The following DLG2 variants were observed in gnomAD, a reference collection of about 807,000 sequenced individuals.
DLG2 encodes the protein discs large MAGUK scaffold protein 2.
Under a neutral mutation model 132.5 loss-of-function variants are expected in DLG2, and 45 were observed. The ratio of observed to expected loss-of-function variants is 0.34; its 90% confidence interval spans 0.27 to 0.44. The LOEUF (loss-of-function observed/expected upper bound fraction) is 0.44. DLG2 is among the 20% of genes least tolerant of loss of function. The pLI, the probability that DLG2 is intolerant of heterozygous loss-of-function variation, is 1.00. For synonymous variants in DLG2, 424 were observed against 419.6 expected, an observed-to-expected ratio of 1.01 and a Z score of -0.13; for missense variants, 1,045 against 1,196.9, an observed-to-expected ratio of 0.87 and a Z score of 1.87.
At chr11:83,979,545 G>A (rs996015867) in intron 12 of DLG2, among the ~76,000 whole-genome samples, 2 of 152,076 alleles carry the variant, frequency 1.3e-5, no homozygotes, top group African/African-American at 4.8e-5. Context: ...GCTTATAATC[G>A]CCTTAATTTT....
At chr11:85,022,243 CAG>C (rs2060141347) in intron 6 of DLG2, among the ~76,000 whole-genome samples, 1 of 151,498 alleles carries the variant, frequency 6.6e-6, no homozygotes, top group Non-Finnish European at 1.5e-5. Flanking sequence ...AAAAATAAAA[CAG>C]AAAGAATGAA....
chr11:84,566,214 C>T (rs777694980), intron 6 of DLG2, among the ~76,000 whole-genome samples: 52 of 152,138 alleles, frequency 3.4e-4, no homozygotes, highest in Non-Finnish European at 5.9e-4. Context: ...CCACCCTCCT[C>T]GGCATCCCAA....
chr11:84,065,109 A>G (rs1277442844), intron 10 of DLG2, among the ~76,000 whole-genome samples: 1 of 152,202 alleles, frequency 6.6e-6, no homozygotes, highest in Non-Finnish European at 1.5e-5. Flanking sequence ...CTAAACATAT[A>G]AAAACCCTGG....
At chr11:84,948,867 T>C (rs937700287) in intron 6 of DLG2, among the ~76,000 whole-genome samples, 3 of 152,202 alleles carry the variant, frequency 2.0e-5, no homozygotes, top group South Asian at 4.1e-4. Context: ...AGCCATCTTA[T>C]AGGATTGCTG....
chr11:85,050,308 C>T (rs1342060034), intron 6 of DLG2, among the ~76,000 whole-genome samples: 3 of 151,956 alleles, frequency 2.0e-5, no homozygotes, highest in Non-Finnish European at 4.4e-5. Flanking sequence ...CTCGGCTAGA[C>T]CACATAGAAG....
chr11:84,924,336 A>G (rs574570786), intron 6 of DLG2, among the ~76,000 whole-genome samples: 1 of 152,288 alleles, frequency 6.6e-6, no homozygotes, highest in Admixed American at 6.5e-5. Flanking sequence ...TAGTGGGAGG[A>G]AAAAAAGTGG....
intron 6 of DLG2, among the ~76,000 whole-genome samples, chr11:84,715,330 C>T (rs2061092188): frequency 2.0e-5 from 3 of 152,022 alleles, no homozygotes; most frequent in Non-Finnish European, 4.4e-5. Context: ...TACAGCCAAA[C>T]TAATTAACAT....
chr11:84,628,341 G>A (rs2099626250), intron 6 of DLG2, among the ~76,000 whole-genome samples: 1 of 152,060 alleles, frequency 6.6e-6, no homozygotes, highest in African/African-American at 2.4e-5. Flanking sequence ...CCTACTATAT[G>A]TCAAGCACTA....
At chr11:84,454,665 C>T (rs905994305) in intron 7 of DLG2, among the ~76,000 whole-genome samples, 7 of 151,314 alleles carry the variant, frequency 4.6e-5, no homozygotes. Flanking sequence ...TAAAAAGAAC[C>T]ATATTATTTA....
rs146271681 is a variant in DLG2, at chr11:83,917,776, C to T, written c.1496+12552G>A. Among the ~76,000 whole-genome samples, 5 of 152,318 alleles carry T rather than the reference C, an allele frequency of 3.3e-5. No individual in the cohort carries two copies. In the East Asian group the frequency reaches 7.7e-4, roughly 24 times the overall value. On this transcript the variant is annotated intron_variant, in intron 15 of 27. Transcript: ENST00000376104. ...TTGTCATTCCAATGAATGTCTACTA[C>T]GTGCTCATGTGTCACATGATAACAT...
In DLG2 at chr11:85,400,495, C is replaced by T. The variant is rs1461874303; in HGVS notation, c.41-115130G>A. Reference sequence around the variant, plus strand: ...GACACATGCACACGTATGTTTATTGCGGCATTATTCACAATAGCAAAGACT... The same window carrying T: ...GACACATGCACACGTATGTTTATTGTGGCATTATTCACAATAGCAAAGACT... On this transcript the variant is annotated intron_variant, in intron 3 of 27. Transcript: ENST00000376104. Among the ~76,000 whole-genome samples, 94 of 149,240 alleles carry T rather than the reference C, an allele frequency of 6.3e-4. 1 individual carries two copies. The highest frequency in any genetic ancestry group is 1.7e-3 in the African/African-American group (67 of 40,300).
chr11:83,881,593 C>G (rs1377365364), intron 15 of DLG2, among the ~76,000 whole-genome samples: 1 of 152,140 alleles, frequency 6.6e-6, no homozygotes, highest in Non-Finnish European at 1.5e-5. Context: ...AGATCTCCCT[C>G]CAGTGTAATA....
chr11:84,537,888 A>G (rs2099359313), intron 6 of DLG2, among the ~76,000 whole-genome samples: 3 of 152,242 alleles, frequency 2.0e-5, no homozygotes, highest in Admixed American at 2.0e-4. Context: ...TACTGGATGA[A>G]AACTTTTTCA....
At chr11:84,644,862 G>T (rs530607903) in intron 6 of DLG2, among the ~76,000 whole-genome samples, 1 of 152,228 alleles carries the variant, frequency 6.6e-6, no homozygotes, top group East Asian at 1.9e-4. Flanking sequence ...CATAGGATAA[G>T]TCAAAGGCCT....
intron 6 of DLG2, among the ~76,000 whole-genome samples, chr11:84,716,009 C>G (rs988705567): frequency 6.6e-6 from 1 of 152,088 alleles, no homozygotes; most frequent in African/African-American, 2.4e-5. Flanking sequence ...AATTATCACA[C>G]TAATTTACAT....
At chr11:83,593,631 A>C (rs1455034752) in intron 19 of DLG2, among the ~76,000 whole-genome samples, 1 of 151,636 alleles carries the variant, frequency 6.6e-6, no homozygotes, top group Non-Finnish European at 1.5e-5. Context: ...GTACCCTAAA[A>C]CTTAAAGTAT....
chr11:84,228,183 C>T lies in DLG2; in HGVS notation c.573+23055G>A, dbSNP rs72955620. Among the ~76,000 whole-genome samples the T allele has an allele frequency of 5.7e-3, 871 of 152,302 alleles. 4 individuals carry two copies. The highest frequency in any genetic ancestry group is 0.01 in the Non-Finnish European group (712 of 68,028). On this transcript the variant is annotated intron_variant, in intron 8 of 27. Coordinates refer to ENST00000376104, the MANE Select transcript of DLG2 (RefSeq NM_001142699.3). ...TCTTCCGTACTCTATCTCCAGCCTCCACTGAACTTGCTTATTTGGAAACAT... is the reference window on the plus strand; with the variant it reads ...TCTTCCGTACTCTATCTCCAGCCTCTACTGAACTTGCTTATTTGGAAACAT...
At chr11:85,391,646 T>C (rs1362979785) in intron 3 of DLG2, among the ~76,000 whole-genome samples, 1 of 152,038 alleles carries the variant, frequency 6.6e-6, no homozygotes, top group Non-Finnish European at 1.5e-5. Flanking sequence ...CACAAGCCAA[T>C]AAATGTGATA....
chr11:83,497,992 G>A (rs909723727), intron 21 of DLG2, among the ~76,000 whole-genome samples: 1 of 151,212 alleles, frequency 6.6e-6, no homozygotes, highest in African/African-American at 2.4e-5. Flanking sequence ...GGGAATTGAG[G>A]AAAAAGTTAT....
Sources: allele counts gnomAD v4.1 joint callset (sites outside exome capture counted in the v4.1 genomes callset), GRCh38; gene constraint gnomAD v4.1.1; transcripts MANE v1.5; gene names NCBI Gene and HGNC (gene_info 2026-07-23, HGNC 2026-07-21).